Variants in TP73 observed in about 807,000 individuals in gnomAD.
TP73 encodes the protein p53-like transcription factor.
A neutral mutation model predicts 62.5 loss-of-function variants in TP73; 25 were observed. The observed-to-expected ratio is 0.40, with a 90% CI of 0.29 to 0.56. TP73 has a LOEUF of 0.56. TP73 is among the 20% of genes least tolerant of loss of function. The pLI, the probability that TP73 is intolerant of heterozygous loss-of-function variation, is 0.46. For missense variants in TP73, 754 were observed against 913.3 expected (o/e 0.83, Z 2.25); for synonymous variants, 423 against 377.5 (o/e 1.12, Z -1.40).
intron 4 of TP73, among the ~76,000 whole-genome samples, chr1:3,717,139 T>C (rs942404609): frequency 6.6e-6 from 1 of 152,254 alleles, no homozygotes; most frequent in African/African-American, 2.4e-5. Context: ...CAAGTTATTA[T>C]CACCTCTCCG....
rs1570526480 is a variant in TP73, at chr1:3,704,356, G to A, written c.187-3193G>A. On this transcript the variant is annotated intron_variant, in intron 3 of 13. Transcript: ENST00000378295. ...TCCTGAGCCCTTGGAATCGGGGTGC[G>A]CTCACACACTGGGCTCAGGTCCATC... Among the ~76,000 whole-genome samples the A allele has an allele frequency of 2.6e-5, 4 of 152,098 alleles. No individual in the cohort carries two copies. In the South Asian group the frequency reaches 6.2e-4, roughly 24 times the overall value.
At chr1:3,719,833 C>T (rs538186602) in intron 4 of TP73, among the ~76,000 whole-genome samples, 4 of 152,248 alleles carry the variant, frequency 2.6e-5, no homozygotes, top group South Asian at 2.1e-4. Context: ...GGCAGGCGCC[C>T]GCACAGGGGT....
In TP73 at chr1:3,709,056, G is replaced by A. The variant is rs188692194; in HGVS notation, c.429+1265G>A. On this transcript the variant is annotated intron_variant, in intron 4 of 13. Coordinates refer to ENST00000378295, the MANE Select transcript of TP73 (RefSeq NM_005427.4). ...GGTTTTCCCACGCTCCTGGAGGGCC[G>A]AGGGGCAGGGCGGAGCCTAAGGTAG... 1.7e-4 allele frequency among the ~76,000 whole-genome samples: 26 copies of A among 152,320 alleles called. 1 individual carries two copies. In the East Asian group the frequency reaches 3.9e-3, roughly 23 times the overall value.
chr1:3,706,116 G>A lies in TP73; in HGVS notation c.187-1433G>A, dbSNP rs115398300. 9.5e-3 allele frequency among the ~76,000 whole-genome samples: 1,429 copies of A among 150,518 alleles called. 18 individuals are homozygous for A. The highest frequency in any genetic ancestry group is 0.033 in the African/African-American group (1,372 of 41,292). ...ACACAGGGCAGAATGACCGCCCCCCGCCCCCGGCCCGCCTCCGCCTGGCTC... is the reference window on the plus strand; with the variant it reads ...ACACAGGGCAGAATGACCGCCCCCCACCCCCGGCCCGCCTCCGCCTGGCTC... On this transcript the variant is annotated intron_variant, in intron 3 of 13. Coordinates refer to ENST00000378295, the MANE Select transcript of TP73 (RefSeq NM_005427.4).
At chr1:3,700,118 G>A (rs1161652159) in intron 3 of TP73, among the ~76,000 whole-genome samples, 6 of 152,016 alleles carry the variant, frequency 3.9e-5, no homozygotes, top group Admixed American at 2.6e-4. Flanking sequence ...AAAGGTTTCC[G>A]AATGAGCATT....
rs893563781 is a variant in TP73 at position 3,696,209 on chromosome 1, G to C, written c.187-11340G>C. Among the ~76,000 whole-genome samples the C allele has an allele frequency of 1.3e-5, 2 of 152,020 alleles. No individual in the cohort carries two copies. The highest frequency in any genetic ancestry group is 2.4e-5 in the African/African-American group (1 of 41,302). On this transcript the variant is annotated intron_variant, in intron 3 of 13. Transcript: ENST00000378295. This position sits in a 1 kb window ranked among gnomAD's most constrained non-coding sequence, Gnocchi z 4.1. ...AGGTGGTGGGTGGTGGTCAGGCTTAGGGTGGAGTTTGAAGGTGACCTTAGA... is the reference window on the plus strand; with the variant it reads ...AGGTGGTGGGTGGTGGTCAGGCTTACGGTGGAGTTTGAAGGTGACCTTAGA...
chr1:3,723,415 G>A lies in TP73; in HGVS notation c.678G>A (p.Val226=), dbSNP rs1194491752. ...RVEGNNLSQY[V]DDPVTGRQSV... ...AAGGCAATAATCTCTCGCAGTATGT[G>A]GATGACCCTGTCACCGGCAGGCAGA... is the stretch of plus-strand genomic sequence containing the variant. The change falls in exon 6 of 14, where the codon GTG becomes GTA. Residue 226 remains valine, a synonymous_variant. Transcript: ENST00000378295. 1.2e-6 allele frequency: 2 copies of A among 1,612,462 alleles called. No individual in the cohort carries two copies. The highest frequency in any genetic ancestry group is 2.7e-5 in the African/African-American group (2 of 74,894).
chr1:3,721,937 G>A, intron 4 of TP73, 84 bp from the exon 5 acceptor site: 1 of 1,423,314 alleles, frequency 7.0e-7, no homozygotes, highest in Non-Finnish European at 9.5e-7. Flanking sequence ...CCCATGGGGA[G>A]GACGTGGCTC....
In TP73 at chr1:3,672,913, G is replaced by T. The variant is rs754080860; in HGVS notation, c.-33-9420G>T. On this transcript the variant is annotated intron_variant, in intron 1 of 13. Coordinates refer to ENST00000378295, the MANE Select transcript of TP73 (RefSeq NM_005427.4). This position sits in a 1 kb window ranked among gnomAD's most constrained non-coding sequence, Gnocchi z 5.3. ...CCCCACCTCCAAACCCTCCTGACCC[G>T]CTTACCCCCAGGAGCACCGCCCACT... Among the ~76,000 whole-genome samples the T allele has an allele frequency of 6.6e-6, 1 of 151,668 alleles. No individual in the cohort carries two copies. The highest frequency in any genetic ancestry group is 1.5e-5 in the Non-Finnish European group (1 of 67,926).
At chr1:3,711,227 C>T (rs889365291) in intron 4 of TP73, among the ~76,000 whole-genome samples, 1 of 152,246 alleles carries the variant, frequency 6.6e-6, no homozygotes, top group African/African-American at 2.4e-5. Context: ...GCTCCACACA[C>T]GTGAGCTCTG....
intron 11 of TP73, among the ~76,000 whole-genome samples, chr1:3,730,436 C>G (rs1642042746): frequency 6.6e-6 from 1 of 152,216 alleles, no homozygotes; most frequent in Admixed American, 6.5e-5. Context: ...CATTACACAG[C>G]CTGTTTCCCC....
At chr1:3,728,254 GCCT>G in intron 9 of TP73, 37 bp downstream of exon 9, 1 of 1,597,446 alleles carries the variant, frequency 6.3e-7, no homozygotes, top group Non-Finnish European at 8.5e-7. Flanking sequence ...CGGGAGACCT[GCCT>G]CACCTCTGTC....
chr1:3,720,616 C>A (rs1014171948), intron 4 of TP73, among the ~76,000 whole-genome samples: 2 of 152,238 alleles, frequency 1.3e-5, no homozygotes, highest in African/African-American at 4.8e-5. Context: ...GGGACCCAGG[C>A]CCCACCCACC....
At chr1:3,680,864 T>C (rs778238372) in intron 1 of TP73, among the ~76,000 whole-genome samples, 23 of 152,234 alleles carry the variant, frequency 1.5e-4, no homozygotes, top group Non-Finnish European at 2.5e-4. Context: ...GGCCACGTGA[T>C]GGTGAAGTGG....
intron 3 of TP73, among the ~76,000 whole-genome samples, chr1:3,700,689 G>A (rs952199632): frequency 2.0e-5 from 3 of 151,910 alleles, no homozygotes; most frequent in African/African-American, 7.3e-5. Flanking sequence ...GCTGAGGCAA[G>A]ATAATCGCTT....
In TP73 at chr1:3,709,195, G is replaced by T. The variant is rs559071189; in HGVS notation, c.429+1404G>T. Among the ~76,000 whole-genome samples, 358 of 152,248 alleles carry T rather than the reference G, an allele frequency of 2.4e-3. 1 individual carries two copies. Among genetic ancestry groups the T allele is most frequent in the African/African-American group, 8.0e-3 (332 of 41,552 alleles). On this transcript the variant is annotated intron_variant, in intron 4 of 13. Transcript: ENST00000378295. ...TTTCTGATTCTCACTCCAGCCACGGGCTCCCCCAGCTGCTGGCTCCGGGCT... is the reference window on the plus strand; with the variant it reads ...TTTCTGATTCTCACTCCAGCCACGGTCTCCCCCAGCTGCTGGCTCCGGGCT...
rs1372190935 is a variant in TP73 at position 3,663,442 on chromosome 1, G to A, written c.-34+10801G>A. 2.6e-5 allele frequency among the ~76,000 whole-genome samples: 4 copies of A among 152,276 alleles called. No homozygotes were observed. The highest frequency in any genetic ancestry group is 1.9e-4 in the East Asian group (1 of 5,184). On this transcript the variant is annotated intron_variant, in intron 1 of 13. Transcript: ENST00000378295. The surrounding 1 kb of genome is among the most constrained non-coding windows in gnomAD (Gnocchi z 4.7). Reference sequence around the variant, plus strand: ...GATGAAAGGATACAGGCGGCTGGGCGTGGTGGCTCACGCCTGTAATCCCAG... The same window carrying A: ...GATGAAAGGATACAGGCGGCTGGGCATGGTGGCTCACGCCTGTAATCCCAG...
At chr1:3,682,755 C>A (rs1645554785) in intron 2 of TP73, among the ~76,000 whole-genome samples, 1 of 152,214 alleles carries the variant, frequency 6.6e-6, no homozygotes, top group Non-Finnish European at 1.5e-5. Context: ...GGACTGCTGC[C>A]CTAGGCCTTC....
intron 3 of TP73, among the ~76,000 whole-genome samples, chr1:3,688,461 C>G (rs181120571): frequency 6.6e-6 from 1 of 152,150 alleles, no homozygotes; most frequent in Non-Finnish European, 1.5e-5. Context: ...TGAAGAGTGC[C>G]GTGGCCTGCG....
Sources: allele counts gnomAD v4.1 joint callset (sites outside exome capture counted in the v4.1 genomes callset), GRCh38; gene constraint gnomAD v4.1.1; non-coding constraint Gnocchi (gnomAD v3.1); transcripts MANE v1.5; gene names NCBI Gene and HGNC (gene_info 2026-07-23, HGNC 2026-07-21).